The following NAA15 variants were observed in gnomAD, a reference collection of about 807,000 sequenced individuals.
NAA15 encodes N-alpha-acetyltransferase 15, NatA auxiliary subunit, also known as N-terminal acetyltransferase.
In NAA15, 34 loss-of-function variants were observed where a neutral mutation model predicts 114.0. That is an observed-to-expected ratio of 0.30 (90% CI 0.23 to 0.40). The LOEUF is 0.40. NAA15 is among the 10% of genes least tolerant of loss of function. The probability of loss-of-function intolerance (pLI) is 1.00; values close to 1 mark genes in which losing one functional copy is unlikely to be tolerated. For synonymous variants in NAA15, 340 were observed against 338.0 expected (o/e 1.01, Z -0.06); for missense variants, 658 against 1,004.5 (o/e 0.66, Z 4.66).
At chr4:139,363,288 A>G (rs934275472) in intron 14 of NAA15, among the ~76,000 whole-genome samples, 1 of 152,234 alleles carries the variant, frequency 6.6e-6, no homozygotes, top group African/African-American at 2.4e-5. Flanking sequence ...ATACAGAAGT[A>G]TACTTAGCAA....
rs545595902 is a variant in NAA15, at chr4:139,378,939, A to G, written c.2155+85A>G. The G allele has an allele frequency of 2.9e-4, 246 of 835,080 alleles. 1 individual carries two copies. The South Asian group carries it at 3.1e-3, about 11-fold the overall frequency. The allele number at this position is 835,080 out of a possible 1,614,324, so 51.7% of individuals were successfully genotyped here. ...AGTGGTCTGTACAAGTTTATCATAAACCAAATGATTTTAAAGCTGTCACAT... is the reference window on the plus strand; with the variant it reads ...AGTGGTCTGTACAAGTTTATCATAAGCCAAATGATTTTAAAGCTGTCACAT... On this transcript the variant is annotated intron_variant, in intron 17 of 19. Coordinates refer to ENST00000296543, the MANE Select transcript of NAA15 (RefSeq NM_057175.5).
At chr4:139,384,763 A>G (rs1459301449) in intron 17 of NAA15, 69 bp from the exon 18 acceptor site, 10 of 1,094,606 alleles carry the variant, frequency 9.1e-6, no homozygotes, top group Non-Finnish European at 3.6e-6. Context: ...TCAAACACAA[A>G]CAAAAATAAA....
chr4:139,334,030 A>AT, intron 1 of NAA15, 144 bp from the exon 2 acceptor site: 2 of 573,042 alleles, frequency 3.5e-6, no homozygotes, highest in Non-Finnish European at 6.1e-6. Context: ...AACCTTTTGT[A>AT]TTTTTTATTG....
At chr4:139,385,497 A>G (rs1470706799) in intron 18 of NAA15, among the ~76,000 whole-genome samples, 1 of 151,830 alleles carries the variant, frequency 6.6e-6, no homozygotes, top group Non-Finnish European at 1.5e-5. Flanking sequence ...TTGGGCTCTT[A>G]AAATTCACTC....
chr4:139,347,662 A>G (rs1036771872), intron 6 of NAA15, among the ~76,000 whole-genome samples: 1 of 152,140 alleles, frequency 6.6e-6, no homozygotes, highest in Non-Finnish European at 1.5e-5. Context: ...GAATGAATGA[A>G]TGAATATGTG....
chr4:139,321,835 T>C (rs1311236042), intron 1 of NAA15, among the ~76,000 whole-genome samples: 1 of 152,072 alleles, frequency 6.6e-6, no homozygotes, highest in African/African-American at 2.4e-5. Context: ...CCTTTAGTGT[T>C]ACATAATAGT....
rs1453314592 is a variant in NAA15 at position 139,361,835 on chromosome 4, C to T, written c.1651C>T (p.His551Tyr). 6.2e-7 allele frequency: 1 copy of T among 1,613,408 alleles called. No homozygotes were observed. The highest frequency in any genetic ancestry group is 8.5e-7 in the Non-Finnish European group (1 of 1,179,508). The change falls in exon 14 of 20, where the codon CAT becomes TAT. Residue 551 changes from histidine to tyrosine, a missense_variant. Physicochemically the swap from His to Tyr is moderately conservative, Grantham distance 83. Transcript: ENST00000296543. Reference sequence around the variant, plus strand: ...AAAACTAGAAGATGTACTTCGACAGCATCCATTTTACTTCAAGGCAGCAAG... The same window carrying T: ...AAAACTAGAAGATGTACTTCGACAGTATCCATTTTACTTCAAGGCAGCAAG... Reference protein sequence around the residue: ...LLKLEDVLRQHPFYFKAARIA... With the variant: ...LLKLEDVLRQYPFYFKAARIA...
At chr4:139,368,615 C>T (rs541978136) in intron 14 of NAA15, among the ~76,000 whole-genome samples, 3 of 152,158 alleles carry the variant, frequency 2.0e-5, no homozygotes, top group African/African-American at 7.2e-5. Flanking sequence ...AAGGAGGAAC[C>T]TATAGTCCAT....
rs559021519 is a variant in NAA15, at chr4:139,328,140, G to A, written c.55-6034G>A. On this transcript the variant is annotated intron_variant, in intron 1 of 19. Coordinates refer to ENST00000296543, the MANE Select transcript of NAA15 (RefSeq NM_057175.5). ...CTGATTTTTTTTTTCTTCTTCTGAA[G>A]TGTCATAAAATCTGCTTTACTCTTA... is the stretch of plus-strand genomic sequence containing the variant. Among the ~76,000 whole-genome samples, 79 of 151,228 alleles carry A rather than the reference G, an allele frequency of 5.2e-4. 2 individuals carry two copies. In the South Asian group the frequency reaches 0.013, roughly 25 times the overall value.
In NAA15 at chr4:139,315,003, T is replaced by G. The variant is rs542329363; in HGVS notation, c.54+13172T>G. Reference sequence around the variant, plus strand: ...GAGAAGCGTTCAGTTCAGTTCAGTTTAGTTTAGGTTAGGTTAGGTTAGGTT... The same window carrying G: ...GAGAAGCGTTCAGTTCAGTTCAGTTGAGTTTAGGTTAGGTTAGGTTAGGTT... On this transcript the variant is annotated intron_variant, in intron 1 of 19. Coordinates refer to ENST00000296543, the MANE Select transcript of NAA15 (RefSeq NM_057175.5). 2.9e-4 allele frequency among the ~76,000 whole-genome samples: 23 copies of G among 79,350 alleles called. 1 individual carries two copies. The Middle Eastern group carries it at 0.015, about 51-fold the overall frequency. 52.1% of individuals were successfully genotyped at this position (79,350 alleles called of 152,430 possible). A position where few individuals can be genotyped will look rare whatever the true frequency, so the allele number is the denominator to read the frequency against.
At chr4:139,313,016 A>G (rs1184190308) in intron 1 of NAA15, among the ~76,000 whole-genome samples, 1 of 151,866 alleles carries the variant, frequency 6.6e-6, no homozygotes, top group Non-Finnish European at 1.5e-5. Context: ...TGGGGAAATA[A>G]TATTATTTGA....
rs1420528818 is a variant in NAA15, at chr4:139,370,381, C to A, written c.1924C>A (p.Leu642Ile). ...GGAGATAGGAGGTCCAAAAGAAGAA[C>A]TTATTCCAGAGAAACTGGCCAAGGT... Reference protein sequence around the residue: ...DEEIGGPKEELIPEKLAKVET... With the variant: ...DEEIGGPKEEIIPEKLAKVET... Residue 642 changes from leucine (L) to isoleucine (I), a missense_variant, in exon 15 of 20, where the codon CTT (leucine) becomes ATT (isoleucine). Physicochemically the swap from Leu to Ile is conservative, Grantham distance 5 (BLOSUM62 2). This residue lies in a region of NAA15 where 275 missense variants were observed against 371.1 expected (regional missense o/e 0.74). Coordinates refer to ENST00000296543, the MANE Select transcript of NAA15 (RefSeq NM_057175.5). 7 of 1,578,286 alleles carry A rather than the reference C, an allele frequency of 4.4e-6. No homozygotes were observed. The highest frequency in any genetic ancestry group is 5.1e-6 in the Non-Finnish European group (6 of 1,170,540).
intron 1 of NAA15, among the ~76,000 whole-genome samples, chr4:139,305,200 T>A (rs1405418564): frequency 1.3e-5 from 2 of 152,210 alleles, no homozygotes; most frequent in African/African-American, 4.8e-5. Flanking sequence ...TTTGTGGTAG[T>A]GTTAGTGGGG....
Position 139,377,312 on chromosome 4 carries a change from G to A in NAA15, c.2056+839G>A, listed in dbSNP as rs998485025. On this transcript the variant is annotated intron_variant, in intron 16 of 19. Transcript: ENST00000296543. ...AGCATTTTGGGAGGCCGAGGCAGGTGGATCACCTGAGGTCGGGAGTTTGAC... is the reference window on the plus strand; with the variant it reads ...AGCATTTTGGGAGGCCGAGGCAGGTAGATCACCTGAGGTCGGGAGTTTGAC... Among the ~76,000 whole-genome samples, 6 of 152,118 alleles carry A rather than the reference G, an allele frequency of 3.9e-5. No individual in the cohort carries two copies. The South Asian group carries it at 1.0e-3, about 26-fold the overall frequency.
intron 14 of NAA15, among the ~76,000 whole-genome samples, chr4:139,367,074 G>A (rs1360050185): frequency 2.0e-5 from 3 of 152,104 alleles, no homozygotes; most frequent in Admixed American, 6.5e-5. Context: ...AACCTTAAGT[G>A]TGACATTTCA....
chr4:139,346,494 G>T (rs1267464457), intron 6 of NAA15, among the ~76,000 whole-genome samples: 20 of 151,966 alleles, frequency 1.3e-4, no homozygotes, highest in Admixed American at 1.3e-3. Flanking sequence ...AGATAAGATG[G>T]TCAAGATCAC....
chr4:139,342,211 G>A (rs1326842376), intron 4 of NAA15, among the ~76,000 whole-genome samples: 1 of 151,920 alleles, frequency 6.6e-6, no homozygotes, highest in Non-Finnish European at 1.5e-5. Context: ...TTTCCTTTGT[G>A]CTGTTCTTTC....
chr4:139,347,828 C>T (rs1206926259), intron 6 of NAA15, among the ~76,000 whole-genome samples: 1 of 150,330 alleles, frequency 6.7e-6, no homozygotes, highest in Non-Finnish European at 1.5e-5. Flanking sequence ...GTCAGGAGAT[C>T]GAGACCATCC....
chr4:139,317,188 A>G (rs750437842), intron 1 of NAA15, among the ~76,000 whole-genome samples: 9 of 151,794 alleles, frequency 5.9e-5, no homozygotes, highest in African/African-American at 9.7e-5. Flanking sequence ...CTGGTCTTCA[A>G]TGTTTATGCT....
Sources: allele counts gnomAD v4.1 joint callset (sites outside exome capture counted in the v4.1 genomes callset), GRCh38; gene constraint gnomAD v4.1.1; regional missense constraint gnomAD v4.1.1; transcripts MANE v1.5; gene names NCBI Gene and HGNC (gene_info 2026-07-23, HGNC 2026-07-21).